The following DYM variants were observed in gnomAD, a reference collection of about 807,000 sequenced individuals.
DYM encodes the protein dymeclin, also known as dyggve-Melchior-Clausen syndrome protein.
In DYM, 78 loss-of-function variants were observed where a neutral mutation model predicts 93.1. That is an observed-to-expected ratio of 0.84 (90% CI 0.70 to 1.01). The LOEUF (loss-of-function observed/expected upper bound fraction) is 1.01. Ranked by LOEUF, DYM falls within the 50% of genes least tolerant of loss-of-function variation. The pLI is 0.00. For synonymous variants in DYM, 321 were observed against 319.7 expected (o/e 1.00, Z -0.04); for missense variants, 789 against 845.0 (o/e 0.93, Z 0.82).
chr18:49,144,726 T>G (rs2084896278), intron 15 of DYM, among the ~76,000 whole-genome samples: 1 of 152,170 alleles, frequency 6.6e-6, no homozygotes, highest in Admixed American at 6.5e-5. Context: ...GTACTTCCTA[T>G]TCAAATTCAA....
chr18:49,075,166 C>T (rs1337806632), intron 17 of DYM, among the ~76,000 whole-genome samples: 2 of 152,188 alleles, frequency 1.3e-5, no homozygotes, highest in Non-Finnish European at 2.9e-5. Flanking sequence ...ACCCATAACC[C>T]TAAGGACCTC....
chr18:49,208,416 G>A (rs914617856), intron 14 of DYM: 8 of 151,916 alleles, frequency 5.3e-5, no homozygotes, highest in Non-Finnish European at 1.0e-4. Context: ...CATTACATAC[G>A]TAACAGTTAA....
chr18:49,134,615 A>G (rs2083664285), intron 15 of DYM, among the ~76,000 whole-genome samples: 1 of 152,236 alleles, frequency 6.6e-6, no homozygotes. Context: ...TTATTGAAAC[A>G]GACAAACAAT....
At chr18:49,200,402 AT>A (rs1423344330) in intron 14 of DYM, among the ~76,000 whole-genome samples, 4 of 151,876 alleles carry the variant, frequency 2.6e-5, no homozygotes, top group Admixed American at 6.5e-5. Flanking sequence ...ATAATTTTAT[AT>A]TTTTTTCATT....
At chr18:49,196,027 G>A (rs899667002) in intron 14 of DYM, among the ~76,000 whole-genome samples, 3 of 143,356 alleles carry the variant, frequency 2.1e-5, no homozygotes, top group South Asian at 2.3e-4. Context: ...GGGTTCAAGC[G>A]AATTCTCCTG....
At chr18:49,440,400 C>CATATTATATATGATATATAATATAGCT (rs2148570037) in intron 1 of DYM, among the ~76,000 whole-genome samples, 1 of 114,956 alleles carries the variant, frequency 8.7e-6, no homozygotes, top group Non-Finnish European at 1.6e-5. Context: ...TATAATATAG[C>CATATTATATATGATATATAATATAGCT]ATATTATATA....
chr18:49,421,956 G>A (rs938332370), intron 2 of DYM, among the ~76,000 whole-genome samples: 10 of 152,128 alleles, frequency 6.6e-5, no homozygotes, highest in African/African-American at 2.4e-4. Context: ...GTTTAGAGAA[G>A]AAAGAATAAA....
intron 8 of DYM, among the ~76,000 whole-genome samples, chr18:49,292,609 A>AAAAACAAAAC (rs1568188873): frequency 2.9e-4 from 27 of 93,656 alleles, no homozygotes; most frequent in African/African-American, 1.3e-3. Context: ...AAAAAAAAAA[A>AAAAACAAAAC]AAAAAAAAAA....
chr18:49,314,388 C>T (rs2061795196), intron 8 of DYM, among the ~76,000 whole-genome samples: 1 of 152,210 alleles, frequency 6.6e-6, no homozygotes. Flanking sequence ...TTCTGACTTG[C>T]TTCAAGCCTG....
chr18:49,220,792 C>G (rs1447536304), intron 13 of DYM, among the ~76,000 whole-genome samples: 1 of 152,084 alleles, frequency 6.6e-6, no homozygotes, highest in Non-Finnish European at 1.5e-5. Flanking sequence ...GACCTAAAAC[C>G]ATAAAAACCC....
At chr18:49,328,538 A>C (rs1456536501) in intron 8 of DYM, among the ~76,000 whole-genome samples, 1 of 152,248 alleles carries the variant, frequency 6.6e-6, no homozygotes, top group Non-Finnish European at 1.5e-5. Flanking sequence ...TACTCATCTG[A>C]CAAAGGGCTA....
rs906014622 is a variant in DYM at position 49,411,378 on chromosome 18, A to G, written c.140+18877T>C. ...AGAATTGGAAGAAAACAAAATTTTA[A>G]ATCTAATAAGGAAAATGGTAAGATG... On this transcript the variant is annotated intron_variant, in intron 2 of 17. Transcript: ENST00000675505. 2.0e-5 allele frequency among the ~76,000 whole-genome samples: 3 copies of G among 152,322 alleles called. No individual in the cohort carries two copies. The South Asian group carries it at 6.2e-4, about 32-fold the overall frequency.
intron 16 of DYM, among the ~76,000 whole-genome samples, chr18:49,118,177 C>G (rs2082079837): frequency 6.6e-6 from 1 of 151,662 alleles, no homozygotes; most frequent in African/African-American, 2.4e-5. Flanking sequence ...ACCCGGCCCA[C>G]AGGCATAAAT....
chr18:49,147,286 G>A (rs1397801869), intron 15 of DYM, among the ~76,000 whole-genome samples: 1 of 151,648 alleles, frequency 6.6e-6, no homozygotes, highest in Non-Finnish European at 1.5e-5. Flanking sequence ...ATAGGCATGG[G>A]CAAGGACTTC....
intron 1 of DYM, among the ~76,000 whole-genome samples, chr18:49,450,430 A>AT (rs779408538): frequency 7.9e-4 from 121 of 152,288 alleles, no homozygotes; most frequent in Non-Finnish European, 1.2e-3. Flanking sequence ...ATGATGAAAG[A>AT]TTTTTTCCTT....
chr18:49,424,134 T>C (rs2074023166), intron 2 of DYM, among the ~76,000 whole-genome samples: 1 of 152,168 alleles, frequency 6.6e-6, no homozygotes, highest in African/African-American at 2.4e-5. Context: ...TGAACATCGA[T>C]GCAAAAATCC....
intron 13 of DYM, among the ~76,000 whole-genome samples, chr18:49,237,913 T>C: frequency 6.6e-6 from 1 of 152,104 alleles, no homozygotes; most frequent in Non-Finnish European, 1.5e-5. Context: ...CTTTTTTTTT[T>C]TTTACAGCTG....
chr18:49,188,700 G>A (rs1311451540), intron 14 of DYM, among the ~76,000 whole-genome samples: 1 of 152,026 alleles, frequency 6.6e-6, no homozygotes, highest in African/African-American at 2.4e-5. Flanking sequence ...GGCGTGGGGG[G>A]AAGGGGGAGG....
At chr18:49,410,647 CAAA>C (rs200205718) in intron 2 of DYM, among the ~76,000 whole-genome samples, 16 of 134,810 alleles carry the variant, frequency 1.2e-4, no homozygotes, top group East Asian at 8.3e-4. Flanking sequence ...TTTTCTCTAC[CAAA>C]AAAAAAAAAA....
Sources: gnomAD v4.1 joint callset for allele counts (sites outside exome capture counted in the v4.1 genomes callset) on GRCh38, gnomAD v4.1.1 for gene constraint, MANE v1.5 for transcripts, NCBI Gene and HGNC (gene_info 2026-07-23, HGNC 2026-07-21) for gene names.